Variants in COMMD10 observed in about 807,000 individuals in gnomAD.
COMMD10 encodes the protein COMM domain-containing protein 10.
In COMMD10, 33 loss-of-function variants were observed where a neutral mutation model predicts 28.9. The observed-to-expected ratio is 1.14, with a 90% confidence interval of 0.87 to 1.53. COMMD10 has a LOEUF of 1.53. Ranked by LOEUF, COMMD10 falls within the 40% of genes most tolerant of loss-of-function variation. The probability of loss-of-function intolerance (pLI) is 0.00; values close to 1 mark genes in which losing one functional copy is unlikely to be tolerated. For missense variants in COMMD10, 310 were observed against 233.4 expected (o/e 1.33, Z -2.14); for synonymous variants, 110 against 81.7 (o/e 1.35, Z -1.87).
intron 3 of COMMD10, 33 bp from the exon 4 acceptor site, chr5:116,092,512 G>A: frequency 6.7e-7 from 1 of 1,496,702 alleles, no homozygotes; most frequent in South Asian, 1.3e-5. Flanking sequence ...TGAAGATGAG[G>A]GACATATGTA....
chr5:116,285,822 T>C (rs1352923951), intron 5 of COMMD10, among the ~76,000 whole-genome samples: 2 of 151,866 alleles, frequency 1.3e-5, no homozygotes, highest in Non-Finnish European at 2.9e-5. Flanking sequence ...TATTGGTCTG[T>C]AGTTTTCTTG....
At chr5:116,210,891 T>G (rs1748946826) in intron 5 of COMMD10, among the ~76,000 whole-genome samples, 1 of 152,064 alleles carries the variant, frequency 6.6e-6, no homozygotes, top group African/African-American at 2.4e-5. Flanking sequence ...TTTAAAAATT[T>G]TTTGCTTTGC....
chr5:116,100,020 A>C (rs1750605542), intron 4 of COMMD10, among the ~76,000 whole-genome samples: 1 of 152,166 alleles, frequency 6.6e-6, no homozygotes, highest in African/African-American at 2.4e-5. Flanking sequence ...TATGTTTCAA[A>C]TACACCTTAT....
intron 5 of COMMD10, among the ~76,000 whole-genome samples, chr5:116,214,060 A>C (rs1028422866): frequency 2.0e-5 from 3 of 152,104 alleles, no homozygotes; most frequent in African/African-American, 7.2e-5. Context: ...AGGGTAGCCT[A>C]AACAATGGTT....
At chr5:116,197,010 T>C (rs1004161981) in intron 5 of COMMD10, among the ~76,000 whole-genome samples, 4 of 152,194 alleles carry the variant, frequency 2.6e-5, no homozygotes, top group African/African-American at 9.7e-5. Flanking sequence ...ATTTTCTTTT[T>C]ACAGATTTTC....
At position 116,272,102 on chromosome 5, in the gene COMMD10, A is replaced by G. The variant is rs138923789; in HGVS notation, c.511-19415A>G. Among the ~76,000 whole-genome samples the G allele has an allele frequency of 2.6e-5, 4 of 151,888 alleles. No individual in the cohort carries two copies. The South Asian group carries it at 8.3e-4, about 31-fold the overall frequency. On this transcript the variant is annotated intron_variant, in intron 5 of 6. Transcript: ENST00000274458. ...TAAAAGATGCAAATTTTATTTCTCAACATAGGCTCCATTAAGGTCGAGACA... is the reference window on the plus strand; with the variant it reads ...TAAAAGATGCAAATTTTATTTCTCAGCATAGGCTCCATTAAGGTCGAGACA...
intron 5 of COMMD10, among the ~76,000 whole-genome samples, chr5:116,177,262 A>G (rs1284094277): frequency 1.3e-5 from 2 of 151,644 alleles, no homozygotes; most frequent in East Asian, 1.9e-4. Flanking sequence ...GACATTTGGA[A>G]TGGGTTTTGA....
At chr5:116,227,937 AC>A (rs1262409770) in intron 5 of COMMD10, among the ~76,000 whole-genome samples, 1 of 152,062 alleles carries the variant, frequency 6.6e-6, no homozygotes, top group Non-Finnish European at 1.5e-5. Context: ...TTTTAGCCAA[AC>A]TAGGTCATGT....
At chr5:116,087,461 A>G in intron 1 of COMMD10, 36 bp from the exon 2 acceptor site, 1 of 1,330,120 alleles carries the variant, frequency 7.5e-7, no homozygotes, top group Non-Finnish European at 1.1e-6. Flanking sequence ...AACTTGGAAA[A>G]CTCATTTCAA....
intron 4 of COMMD10, among the ~76,000 whole-genome samples, chr5:116,132,100 A>G (rs1259973541): frequency 6.6e-6 from 1 of 152,012 alleles, no homozygotes; most frequent in Non-Finnish European, 1.5e-5. Flanking sequence ...CCCAGTTAGA[A>G]GACTATTGTG....
At chr5:116,169,579 G>A (rs532718994) in intron 5 of COMMD10, among the ~76,000 whole-genome samples, 8 of 152,200 alleles carry the variant, frequency 5.3e-5, no homozygotes, top group Admixed American at 1.3e-4. Flanking sequence ...ACATTGATGT[G>A]AAAATCCCAA....
At chr5:116,200,194 A>C (rs554029243) in intron 5 of COMMD10, among the ~76,000 whole-genome samples, 7 of 152,282 alleles carry the variant, frequency 4.6e-5, no homozygotes, top group Admixed American at 2.0e-4. Flanking sequence ...TGTGCCATCA[A>C]ACAGTAGGTC....
At chr5:116,224,278 A>G (rs998037938) in intron 5 of COMMD10, among the ~76,000 whole-genome samples, 1 of 152,226 alleles carries the variant, frequency 6.6e-6, no homozygotes, top group African/African-American at 2.4e-5. Context: ...CACTAGAATT[A>G]GGAAACTCTA....
intron 4 of COMMD10, among the ~76,000 whole-genome samples, chr5:116,133,335 C>CCTAA (rs1751921062): frequency 6.6e-6 from 1 of 152,166 alleles, no homozygotes; most frequent in Non-Finnish European, 1.5e-5. Context: ...GTTACTCTGC[C>CCTAA]TTAGTCTTCC....
chr5:116,184,743 T>C (rs1257586587), intron 5 of COMMD10, among the ~76,000 whole-genome samples: 2 of 152,118 alleles, frequency 1.3e-5, no homozygotes, highest in African/African-American at 4.8e-5. Context: ...TTGAACTGTT[T>C]TTAATGGTAT....
intron 5 of COMMD10, among the ~76,000 whole-genome samples, chr5:116,274,625 A>G (rs1203434757): frequency 3.3e-5 from 5 of 151,792 alleles, no homozygotes; most frequent in Non-Finnish European, 7.4e-5. Flanking sequence ...TATCAGTAAC[A>G]TTCTCATCAT....
intron 5 of COMMD10, among the ~76,000 whole-genome samples, chr5:116,245,052 GAAA>G (rs56658530): frequency 6.7e-6 from 1 of 149,640 alleles, no homozygotes; most frequent in African/African-American, 2.5e-5. Flanking sequence ...CTGGTTTTTT[GAAA>G]AAAAAAATTA....
At chr5:116,231,469 T>G (rs1040568805) in intron 5 of COMMD10, among the ~76,000 whole-genome samples, 2 of 152,158 alleles carry the variant, frequency 1.3e-5, no homozygotes, top group South Asian at 4.1e-4. Context: ...AATGTATTTA[T>G]TCAGCGAGTC....
chr5:116,206,529 G>T (rs763417781), intron 5 of COMMD10, among the ~76,000 whole-genome samples: 1 of 152,138 alleles, frequency 6.6e-6, no homozygotes, highest in Non-Finnish European at 1.5e-5. Flanking sequence ...GTGCACGCCT[G>T]TAATCCCAGC....
Sources: allele counts gnomAD v4.1 joint callset (sites outside exome capture counted in the v4.1 genomes callset), GRCh38; gene constraint gnomAD v4.1.1; transcripts MANE v1.5; gene names NCBI Gene and HGNC (gene_info 2026-07-23, HGNC 2026-07-21).